RIMS1: variants seen among roughly 807,000 people sequenced by gnomAD.
RIMS1 encodes the protein regulating synaptic membrane exocytosis 1.
A neutral mutation model predicts 214.1 loss-of-function variants in RIMS1; 83 were observed. That is an observed-to-expected ratio of 0.39 (90% CI 0.32 to 0.47). RIMS1 has a LOEUF of 0.47. Ranked by LOEUF, RIMS1 falls within the 20% of genes least tolerant of loss-of-function variation. The pLI, the probability that RIMS1 is intolerant of heterozygous loss-of-function variation, is 0.99. For synonymous variants in RIMS1, 793 were observed against 786.8 expected, an observed-to-expected ratio of 1.01 and a Z score of -0.13; for missense variants, 2,050 against 2,161.8, an observed-to-expected ratio of 0.95 and a Z score of 1.03.
intron 2 of RIMS1, among the ~76,000 whole-genome samples, chr6:71,991,580 G>A (rs1801577177): frequency 6.6e-6 from 1 of 152,134 alleles, no homozygotes; most frequent in Non-Finnish European, 1.5e-5. Context: ...CCTGCTCTAA[G>A]GATATTCTAT....
chr6:72,050,502 G>A (rs188167780), intron 2 of RIMS1, among the ~76,000 whole-genome samples: 52 of 152,106 alleles, frequency 3.4e-4, no homozygotes, highest in African/African-American at 8.7e-4. Context: ...GCTCTCTTCC[G>A]TCTCCTCAGT....
intron 6 of RIMS1, among the ~76,000 whole-genome samples, chr6:72,183,566 G>A (rs2048664658): frequency 1.8e-5 from 1 of 54,504 alleles, no homozygotes; most frequent in South Asian, 1.2e-3. Context: ...AGTTGCAAAG[G>A]TAGTTTTTTT....
intron 6 of RIMS1, among the ~76,000 whole-genome samples, chr6:72,203,087 A>G (rs1020148820): frequency 8.6e-5 from 13 of 152,044 alleles, no homozygotes; most frequent in African/African-American, 3.1e-4. Flanking sequence ...TCCTAGGTTC[A>G]CGCCATTCTC....
intron 2 of RIMS1, among the ~76,000 whole-genome samples, chr6:72,048,130 A>G (rs941818359): frequency 6.6e-6 from 1 of 152,188 alleles, no homozygotes; most frequent in African/African-American, 2.4e-5. Flanking sequence ...GTTTTTAAGT[A>G]CGAATGGTGG....
intron 2 of RIMS1, among the ~76,000 whole-genome samples, chr6:72,090,399 A>G (rs907564118): frequency 6.6e-6 from 1 of 152,034 alleles, no homozygotes; most frequent in Non-Finnish European, 1.5e-5. Context: ...CCCTCTTCCA[A>G]CTATTTTGTA....
chr6:72,172,446 T>A (rs1443230493), intron 4 of RIMS1, among the ~76,000 whole-genome samples: 2 of 152,176 alleles, frequency 1.3e-5, no homozygotes, highest in Non-Finnish European at 2.9e-5. Context: ...TAAGCATTTA[T>A]ATTTGGGCTA....
chr6:72,150,028 G>A (rs12524017), intron 4 of RIMS1, among the ~76,000 whole-genome samples: 17,899 of 152,164 alleles, frequency 0.12, 1,285 homozygotes, highest in South Asian at 0.18. Context: ...ATCGAAAGGT[G>A]AGGGGGGTGG....
At chr6:71,980,915 A>T (rs1798324615) in intron 2 of RIMS1, among the ~76,000 whole-genome samples, 1 of 152,128 alleles carries the variant, frequency 6.6e-6, no homozygotes, top group South Asian at 2.1e-4. Flanking sequence ...AGGAGAGTTA[A>T]TAAAAAATAA....
intron 1 of RIMS1, among the ~76,000 whole-genome samples, chr6:71,894,343 G>A (rs946512837): frequency 9.2e-5 from 14 of 152,208 alleles, no homozygotes; most frequent in African/African-American, 3.4e-4. Context: ...GTACCCAGGA[G>A]GCTGAAGCAG....
chr6:72,247,372 C>G (rs1317508174), intron 11 of RIMS1, among the ~76,000 whole-genome samples: 1 of 151,928 alleles, frequency 6.6e-6, no homozygotes, highest in Non-Finnish European at 1.5e-5. Context: ...CCCGTCTCTA[C>G]TAAAAATACA....
chr6:72,082,066 T>G (rs1833548881), intron 2 of RIMS1, among the ~76,000 whole-genome samples: 1 of 152,174 alleles, frequency 6.6e-6, no homozygotes, highest in African/African-American at 2.4e-5. Context: ...CTTGTATTCT[T>G]CTGCTTTTAA....
intron 1 of RIMS1, among the ~76,000 whole-genome samples, chr6:71,964,611 T>C (rs568220244): frequency 6.6e-6 from 1 of 152,286 alleles, no homozygotes; most frequent in South Asian, 2.1e-4. Context: ...CTAAAGATTT[T>C]CACTTGAACT....
At chr6:71,888,014 C>G (rs1231109402) in intron 1 of RIMS1, among the ~76,000 whole-genome samples, 1 of 152,178 alleles carries the variant, frequency 6.6e-6, no homozygotes, top group Non-Finnish European at 1.5e-5. Flanking sequence ...TTGCACTCCT[C>G]CTCACTTCTT....
chr6:72,092,859 C>T (rs2153797298), intron 2 of RIMS1, among the ~76,000 whole-genome samples: 1 of 152,232 alleles, frequency 6.6e-6, no homozygotes, highest in African/African-American at 2.4e-5. Flanking sequence ...CGTCATACCT[C>T]AGTGGAGAAG....
chr6:72,250,216 G>A (rs920862556), intron 12 of RIMS1, 114 bp from the exon 13 acceptor site: 1 of 933,386 alleles, frequency 1.1e-6, no homozygotes, highest in Non-Finnish European at 1.6e-6. Flanking sequence ...ATCTGTAATT[G>A]CATTATATTG....
chr6:72,304,810 T>G (rs2094983943), intron 26 of RIMS1, among the ~76,000 whole-genome samples: 2 of 151,974 alleles, frequency 1.3e-5, no homozygotes, highest in Admixed American at 1.3e-4. Flanking sequence ...TTTGGCTTTT[T>G]GCTACGAGTA....
chr6:71,923,356 A>G (rs549021975), intron 1 of RIMS1, among the ~76,000 whole-genome samples: 2 of 152,316 alleles, frequency 1.3e-5, no homozygotes, highest in African/African-American at 4.8e-5. Flanking sequence ...TTCTGATCCT[A>G]CAACTGTCTT....
At chr6:72,216,983 C>T in intron 6 of RIMS1, 2 of 1,391,046 alleles carry the variant, frequency 1.4e-6, no homozygotes, top group South Asian at 1.6e-5. Context: ...GCACTTATGG[C>T]CTTGTTTAGT....
chr6:72,225,476 G>A (rs1484083422), intron 6 of RIMS1, among the ~76,000 whole-genome samples: 3 of 151,996 alleles, frequency 2.0e-5, no homozygotes, highest in African/African-American at 4.8e-5. Context: ...TGCTAGTATT[G>A]CCTGGGTCTG....
Sources: allele counts gnomAD v4.1 joint callset (sites outside exome capture counted in the v4.1 genomes callset), GRCh38; gene constraint gnomAD v4.1.1; transcripts MANE v1.5; gene names NCBI Gene and HGNC (gene_info 2026-07-23, HGNC 2026-07-21).